ABR: variants seen among roughly 807,000 people sequenced by gnomAD.
ABR encodes ABR activator of RhoGEF and GTPase.
ABR carries 35 observed loss-of-function variants against 107.2 expected under a neutral mutation model. The ratio of observed to expected loss-of-function variants is 0.33; its 90% confidence interval spans 0.25 to 0.43. The LOEUF (loss-of-function observed/expected upper bound fraction) is 0.43. ABR is among the 20% of genes least tolerant of loss of function. The pLI, the probability that ABR is intolerant of heterozygous loss-of-function variation, is 1.00. For synonymous variants in ABR, 498 were observed against 462.0 expected (o/e 1.08, Z -1.00); for missense variants, 815 against 1,115.2 (o/e 0.73, Z 3.83).
chr17:1,189,778 A>T (rs2042393094), upstream of ABR, among the ~76,000 whole-genome samples: 1 of 152,006 alleles, frequency 6.6e-6, no homozygotes, highest in Admixed American at 6.6e-5. Flanking sequence ...AATGCTCAGG[A>T]CTCTTGTAAA....
At position 1,005,410 on chromosome 17, in the gene ABR, T is replaced by G; in HGVS notation, c.*670A>C. 2.8e-6 allele frequency: 1 copy of G among 359,204 alleles called. No individual in the cohort carries two copies. The allele number at this position is 359,204 out of a possible 1,614,324, so 22.3% of individuals were successfully genotyped here. A position where few individuals can be genotyped will look rare whatever the true frequency, so the allele number is the denominator to read the frequency against. ...GTGAGTGTGTCTGCTTGTCCAACATTTGCACAGGCAGCAAGGCAAAGCAGG... is the reference window on the plus strand; with the variant it reads ...GTGAGTGTGTCTGCTTGTCCAACATGTGCACAGGCAGCAAGGCAAAGCAGG... On this transcript the variant is annotated 3_prime_UTR_variant, in exon 23 of 23. Transcript: ENST00000302538.
At chr17:1,160,649 C>T (rs114351464) in intron 1 of ABR, among the ~76,000 whole-genome samples, 81 of 152,332 alleles carry the variant, frequency 5.3e-4, no homozygotes, top group African/African-American at 1.7e-3. Flanking sequence ...TGAGTTCACA[C>T]GACAGCCAGA....
At chr17:1,083,441 G>T in intron 5 of ABR, 79 bp downstream of exon 5, 2 of 992,594 alleles carry the variant, frequency 2.0e-6, no homozygotes, top group Non-Finnish European at 3.0e-6. Context: ...ACTGGCAAGC[G>T]AGGGAGGGGA....
chr17:1,082,522 C>T (rs2036312638), intron 5 of ABR, among the ~76,000 whole-genome samples: 1 of 150,286 alleles, frequency 6.7e-6, no homozygotes, highest in Non-Finnish European at 1.5e-5. Flanking sequence ...GTGTTCCTGG[C>T]CAGGAAGGCT....
intron 10 of ABR, among the ~76,000 whole-genome samples, chr17:1,066,781 G>A (rs113491295): frequency 1.3e-5 from 2 of 151,936 alleles, no homozygotes; most frequent in Non-Finnish European, 2.9e-5. Context: ...CACCTGCCTC[G>A]GCCTTCCAAA....
chr17:1,034,694 T>A (rs2073037699), intron 16 of ABR, among the ~76,000 whole-genome samples: 4 of 152,112 alleles, frequency 2.6e-5, no homozygotes, highest in Admixed American at 2.6e-4. Flanking sequence ...TGTAACTGGC[T>A]GGTAGGATGC....
At chr17:1,207,066 A>G (rs2042801599) in intron 1 of ABR, among the ~76,000 whole-genome samples, 1 of 148,478 alleles carries the variant, frequency 6.7e-6, no homozygotes. Flanking sequence ...CCTGGACAAC[A>G]GAGTGAGACT....
Position 1,078,930 on chromosome 17 carries a change from G to C in ABR, c.700+400C>G, listed in dbSNP as rs977844508. 16 of 1,530,692 alleles carry C rather than the reference G, an allele frequency of 1.0e-5. No homozygotes were observed. In the South Asian group the frequency reaches 1.6e-4, roughly 15 times the overall value. The allele number at this position is 1,530,692 out of a possible 1,614,324, so 94.8% of individuals were successfully genotyped here. A position where few individuals can be genotyped will look rare whatever the true frequency, so the allele number is the denominator to read the frequency against. ...GCTCCCCGGCGCCCACCAGCAGCCC[G>C]GCCACTCAGCCACCTTGCTGATGCT... On this transcript the variant is annotated intron_variant, in intron 6 of 22. Transcript: ENST00000302538. The surrounding 1 kb of genome is among the most constrained non-coding windows in gnomAD (Gnocchi z 7.5).
At chr17:1,115,761 C>T (rs1364169754) in intron 2 of ABR, among the ~76,000 whole-genome samples, 1 of 150,672 alleles carries the variant, frequency 6.6e-6, no homozygotes, top group East Asian at 1.9e-4. Context: ...CCCGTCTCTA[C>T]TAAAAATACA....
intron 16 of ABR, among the ~76,000 whole-genome samples, chr17:1,048,724 C>A (rs2032037902): frequency 6.7e-6 from 1 of 150,032 alleles, no homozygotes; most frequent in Non-Finnish European, 1.5e-5. Flanking sequence ...CCCAGCTGCG[C>A]CTGGATCACG....
At position 1,037,578 on chromosome 17, in the gene ABR, C is replaced by T. The variant is rs1427836083; in HGVS notation, c.1791+12472G>A. Among the ~76,000 whole-genome samples, 2 of 152,344 alleles carry T rather than the reference C, an allele frequency of 1.3e-5. No individual in the cohort carries two copies. The stretch of plus-strand genomic sequence containing the variant: ...CATCTTGCTTATCTAGAACAAAACT[C>T]ACCCAGGGACAGAGTGGGCAGGGCG... On this transcript the variant is annotated intron_variant, in intron 16 of 22. Coordinates refer to ENST00000302538, the MANE Select transcript of ABR (RefSeq NM_021962.5). The surrounding 1 kb of genome is among the most constrained non-coding windows in gnomAD (Gnocchi z 4.6).
At chr17:1,048,561 C>T (rs1362243776) in intron 16 of ABR, among the ~76,000 whole-genome samples, 2 of 152,160 alleles carry the variant, frequency 1.3e-5, no homozygotes, top group East Asian at 3.9e-4. Flanking sequence ...TCAAGAAGCT[C>T]GGCGCCCAGC....
chr17:1,169,730 C>T (rs1052710107), intron 1 of ABR, among the ~76,000 whole-genome samples: 8 of 152,158 alleles, frequency 5.3e-5, no homozygotes, highest in African/African-American at 1.7e-4. Flanking sequence ...CCCTGGGCCT[C>T]GGCAAAGGAC....
At chr17:1,109,684 G>A (rs2038540483) in intron 2 of ABR, among the ~76,000 whole-genome samples, 1 of 151,812 alleles carries the variant, frequency 6.6e-6, no homozygotes, top group Non-Finnish European at 1.5e-5. Flanking sequence ...CTTCCGGAGG[G>A]GAGGCCCCGG....
chr17:1,078,365 C>A lies in ABR; in HGVS notation c.700+965G>T, dbSNP rs999007375. The stretch of plus-strand genomic sequence containing the variant: ...CCAGAAACAAAGAAACTCCCAACTT[C>A]TCCCTCTGGCTCGCGCTGGCACCCT... On this transcript the variant is annotated intron_variant, in intron 6 of 22. Coordinates refer to ENST00000302538, the MANE Select transcript of ABR (RefSeq NM_021962.5). The surrounding 1 kb of genome is among the most constrained non-coding windows in gnomAD (Gnocchi z 7.5). Among the ~76,000 whole-genome samples, 2 of 152,186 alleles carry A rather than the reference C, an allele frequency of 1.3e-5. No homozygotes were observed. Among genetic ancestry groups the A allele is most frequent in the African/African-American group, 4.8e-5 (2 of 41,460 alleles).
chr17:1,083,865 G>C (rs2036424604), intron 4 of ABR: 1 of 492,140 alleles, frequency 2.0e-6, no homozygotes, highest in Admixed American at 3.4e-5. Flanking sequence ...GGGTTGGGGA[G>C]ACCAGGCTAG....
chr17:1,176,496 C>T (rs2041922859), intron 1 of ABR, among the ~76,000 whole-genome samples: 1 of 152,218 alleles, frequency 6.6e-6, no homozygotes, highest in Non-Finnish European at 1.5e-5. Context: ...CTGAGCCTCA[C>T]TTTCCTACTC....
intron 16 of ABR, among the ~76,000 whole-genome samples, chr17:1,018,230 G>A (rs1024861700): frequency 4.0e-5 from 6 of 151,682 alleles, no homozygotes; most frequent in African/African-American, 1.5e-4. Flanking sequence ...TTTTAGTAGA[G>A]ACGGGGTTTC....
intron 4 of ABR, among the ~76,000 whole-genome samples, chr17:1,089,144 C>A (rs1163726156): frequency 1.3e-5 from 2 of 152,040 alleles, no homozygotes; most frequent in East Asian, 3.9e-4. Flanking sequence ...GATCCACCCA[C>A]CCCGGCCTCC....
Sources: gnomAD v4.1 joint callset for allele counts (sites outside exome capture counted in the v4.1 genomes callset) on GRCh38, gnomAD v4.1.1 for gene constraint, Gnocchi (gnomAD v3.1) non-coding constraint, MANE v1.5 for transcripts, NCBI Gene and HGNC (gene_info 2026-07-23, HGNC 2026-07-21) for gene names.